UVSSA: variants seen among roughly 807,000 people sequenced by gnomAD.
UVSSA encodes the protein UV stimulated scaffold protein A.
A neutral mutation model predicts 73.9 loss-of-function variants in UVSSA; 72 were observed. That is an observed-to-expected ratio of 0.97 (90% CI 0.81 to 1.19). UVSSA has a LOEUF of 1.19. Among genes scored for constraint, UVSSA ranks in the 50% most tolerant of loss-of-function variants. The pLI is 0.00. For synonymous variants in UVSSA, 454 were observed against 391.3 expected (o/e 1.16, Z -1.89); for missense variants, 1,150 against 965.0 (o/e 1.19, Z -2.54).
Position 1,385,963 on chromosome 4 carries a change from G to A in UVSSA, c.*2G>A, listed in dbSNP as rs148888724. ...CAGTTTAACTACGCACTGAACTAGA[G>A]AGCGGGGCCCAGTGCACTGGCCATC... is the stretch of plus-strand genomic sequence containing the variant. On this transcript the variant is annotated 3_prime_UTR_variant, in exon 14 of 14. Transcript: ENST00000389851. The A allele has an allele frequency of 4.7e-4, 753 of 1,613,964 alleles. 5 individuals carry two copies. The highest frequency in any genetic ancestry group is 2.5e-4 in the Non-Finnish European group (296 of 1,180,028).
intron 3 of UVSSA, 65 bp from the exon 4 acceptor site, chr4:1,351,650 A>G: frequency 1.3e-6 from 2 of 1,557,340 alleles, no homozygotes; most frequent in Admixed American, 3.5e-5. Flanking sequence ...CAGCCTCCCA[A>G]AGTGCTGGGA....
Position 1,375,443 on chromosome 4 carries a change from C to T in UVSSA, c.1368C>T (p.Asp456=). ...TRTRMDEEVS[D]PTSAAAQLRQ... is the part of the protein sequence containing the mutation. ...CGAGGATGGACGAGGAGGTGTCGGA[C>T]CCCACCTCTGCGGCTGCTCAGCTGC... Residue 456 remains aspartate (D), a synonymous_variant, in exon 9 of 14, where the codon GAC becomes GAT. Coordinates refer to ENST00000389851, the MANE Select transcript of UVSSA (RefSeq NM_020894.4). 1 of 1,613,340 alleles carries T rather than the reference C, an allele frequency of 6.2e-7. No individual in the cohort carries two copies. The highest frequency in any genetic ancestry group is 1.1e-5 in the South Asian group (1 of 91,080).
intron 7 of UVSSA, among the ~76,000 whole-genome samples, chr4:1,363,479 G>A (rs1438516975): frequency 5.3e-5 from 8 of 152,130 alleles, no homozygotes; most frequent in South Asian, 2.1e-4. Context: ...TTTTGAAAAC[G>A]ACGCCCATAT....
intron 7 of UVSSA, among the ~76,000 whole-genome samples, chr4:1,356,257 A>C (rs150685217): frequency 7.1e-4 from 108 of 152,062 alleles, no homozygotes; most frequent in African/African-American, 2.3e-3. Flanking sequence ...GTTCCACAGC[A>C]GCAGACGTGC....
chr4:1,367,479 C>T (rs1717487596), intron 8 of UVSSA, among the ~76,000 whole-genome samples: 1 of 152,226 alleles, frequency 6.6e-6, no homozygotes, highest in Non-Finnish European at 1.5e-5. Context: ...TTAAGGGTGT[C>T]ATGCCGAATT....
chr4:1,382,597 T>C (rs1719635170), intron 12 of UVSSA, among the ~76,000 whole-genome samples: 1 of 152,228 alleles, frequency 6.6e-6, no homozygotes, highest in Admixed American at 6.5e-5. Context: ...TCGTTGTGTT[T>C]AAACAATTGC....
intron 8 of UVSSA, among the ~76,000 whole-genome samples, chr4:1,367,008 G>A (rs375063622): frequency 1.3e-3 from 195 of 152,302 alleles, no homozygotes; most frequent in African/African-American, 4.4e-3. Flanking sequence ...ACCACCCCGC[G>A]CCTTCCAGGC....
intron 7 of UVSSA, chr4:1,356,443 T>C (rs1458457589): frequency 1.3e-5 from 2 of 152,242 alleles, no homozygotes; most frequent in African/African-American, 2.4e-5. Flanking sequence ...CCGGAGAATT[T>C]ATAGACATGT....
At position 1,386,717 on chromosome 4, in the gene UVSSA, G is replaced by GT. The variant is rs35810542; in HGVS notation, c.*764dup. 54,181 of 151,526 alleles carry GT rather than the reference G, an allele frequency of 0.36. 10,113 individuals are homozygous for GT. The highest frequency in any genetic ancestry group is 0.4 in the Non-Finnish European group (27,301 of 67,920). The allele number at this position is 151,526 out of a possible 1,614,324, so 9.4% of individuals were successfully genotyped here. ...TGATTTATCTTGAGTTGTAACAGTT[G>GT]TTTTTTTTGTTTTTCCTTTTAGAGA... On this transcript the variant is annotated 3_prime_UTR_variant, in exon 14 of 14. Transcript: ENST00000389851.
At position 1,385,542 on chromosome 4, in the gene UVSSA, G is replaced by C. The variant is rs952789215; in HGVS notation, c.2037-326G>C. The C allele has an allele frequency of 8.3e-6, 3 of 359,740 alleles. No homozygotes were observed. The Admixed American group carries it at 1.2e-4, about 14-fold the overall frequency. The allele number at this position is 359,740 out of a possible 1,614,324, so 22.3% of individuals were successfully genotyped here. ...CGAGGCCGCTCCCCGGGAGGCCAAG[G>C]GGGAGGCTGCCCTCATCCTGGAGTG... On this transcript the variant is annotated intron_variant, in intron 13 of 13. Transcript: ENST00000389851.
chr4:1,348,899 G>GCCTT (rs1714164249), intron 2 of UVSSA, among the ~76,000 whole-genome samples: 1 of 152,218 alleles, frequency 6.6e-6, no homozygotes, highest in Admixed American at 6.5e-5. Context: ...CGAGCTCTAG[G>GCCTT]CCTTCCTTCC....
chr4:1,389,018 A>C (rs1720337931), downstream of UVSSA: 1 of 152,086 alleles, frequency 6.6e-6, no homozygotes, highest in African/African-American at 2.4e-5. Flanking sequence ...TAATTATTTA[A>C]ACATTTGGTG....
At position 1,383,036 on chromosome 4, in the gene UVSSA, G is replaced by A. The variant is rs571704241; in HGVS notation, c.1862-730G>A. ...GTGGGGAACCCCACAGGAAGCCTGG[G>A]CCTGTGACCCCCGAGGGCCTCAGTG... is the stretch of plus-strand genomic sequence containing the variant. On this transcript the variant is annotated intron_variant, in intron 12 of 13. Transcript: ENST00000389851. Among the ~76,000 whole-genome samples the A allele has an allele frequency of 7.9e-5, 12 of 152,318 alleles. No homozygotes were observed. The South Asian group carries it at 2.3e-3, about 29-fold the overall frequency.
chr4:1,395,230 C>A (rs760984010), exon 14 of UVSSA: 1 of 1,472,294 alleles, frequency 6.8e-7, no homozygotes, highest in Admixed American at 1.9e-5. Context: ...GGAGTGCCCG[C>A]CTGCTCACAC....
At chr4:1,360,131 C>T (rs891042822) in intron 7 of UVSSA, among the ~76,000 whole-genome samples, 5 of 152,332 alleles carry the variant, frequency 3.3e-5, no homozygotes, top group South Asian at 4.1e-4. Flanking sequence ...TCCATCACGC[C>T]GAAGGCCAAG....
At chr4:1,345,885 C>G (rs1713628155), upstream of UVSSA, among the ~76,000 whole-genome samples, 1 of 152,076 alleles carries the variant, frequency 6.6e-6, no homozygotes, top group African/African-American at 2.4e-5. Flanking sequence ...CAAAAAAAAC[C>G]ACGCTGTAGA....
upstream of UVSSA, among the ~76,000 whole-genome samples, chr4:1,345,878 A>C (rs1477213611): frequency 1.3e-5 from 2 of 152,126 alleles, no homozygotes; most frequent in African/African-American, 4.8e-5. Flanking sequence ...GTAACAACAA[A>C]AAAAACCACG....
upstream of UVSSA, among the ~76,000 whole-genome samples, chr4:1,344,773 G>C (rs2109031438): frequency 6.6e-6 from 1 of 152,306 alleles, no homozygotes; most frequent in South Asian, 2.1e-4. Flanking sequence ...AAGTGCCCTG[G>C]GAACAAGCAC....
At position 1,355,221 on chromosome 4, in the gene UVSSA, G is replaced by A. The variant is rs765637161; in HGVS notation, c.1152G>A (p.Glu384=). The change falls in exon 7 of 14, where the codon GAG becomes GAA. Residue 384 remains glutamate (E), a synonymous_variant. Coordinates refer to ENST00000389851, the MANE Select transcript of UVSSA (RefSeq NM_020894.4). ...VLRKYKELDI[E]PEGGERRRTE... is the part of the protein sequence containing the mutation. ...GAAAATACAAGGAGCTGGACATCGA[G>A]CCTGAGGGAGGGGAAAGGCGCAGGG... is the stretch of plus-strand genomic sequence containing the variant. 4.2e-5 allele frequency: 67 copies of A among 1,612,584 alleles called. No homozygotes were observed. The highest frequency in any genetic ancestry group is 5.2e-5 in the Non-Finnish European group (61 of 1,179,524).
Sources: allele counts gnomAD v4.1 joint callset (sites outside exome capture counted in the v4.1 genomes callset), GRCh38; gene constraint gnomAD v4.1.1; transcripts MANE v1.5; gene names NCBI Gene and HGNC (gene_info 2026-07-23, HGNC 2026-07-21).